PATJ: variants seen among roughly 807,000 people sequenced by gnomAD.
PATJ encodes PATJ crumbs cell polarity complex component, also known as inaD-like protein.
PATJ carries 190 observed loss-of-function variants against 224.9 expected under a neutral mutation model. The ratio of observed to expected loss-of-function variants is 0.84; its 90% CI spans 0.75 to 0.95. The LOEUF is 0.95. PATJ is among the 40% of genes least tolerant of loss of function. The probability of loss-of-function intolerance (pLI) is 0.00; values close to 1 mark genes in which losing one functional copy is unlikely to be tolerated. For synonymous variants in PATJ, 769 were observed against 820.3 expected, an observed-to-expected ratio of 0.94 and a Z score of 1.07; for missense variants, 2,121 against 2,270.3, an observed-to-expected ratio of 0.93 and a Z score of 1.34.
At position 62,069,428 on chromosome 1, in the gene PATJ, A is replaced by G. The variant is rs567612784; in HGVS notation, c.4126-10022A>G. ...ATACACAGGTCTGTTGTGTACACCA[A>G]CAAATGGGTAATATGCCTAGCTCAG... On this transcript the variant is annotated intron_variant, in intron 31 of 43. Coordinates refer to ENST00000642238, the MANE Select transcript of PATJ (RefSeq NM_001350145.3). Among the ~76,000 whole-genome samples, 36 of 152,292 alleles carry G rather than the reference A, an allele frequency of 2.4e-4. No individual in the cohort carries two copies. In the South Asian group the frequency reaches 7.5e-3, roughly 32 times the overall value.
intron 27 of PATJ, among the ~76,000 whole-genome samples, chr1:61,980,034 A>G (rs885581): frequency 0.43 from 65,536 of 151,706 alleles, 14,741 homozygotes; most frequent in African/African-American, 0.53. Context: ...GAGAAGGGGT[A>G]GGAGGAGTGA....
At chr1:62,152,956 T>C (rs1015630107) in intron 42 of PATJ, among the ~76,000 whole-genome samples, 2 of 151,902 alleles carry the variant, frequency 1.3e-5, no homozygotes, top group African/African-American at 4.8e-5. Context: ...CTGGCCAACA[T>C]GGTGAAACCC....
Position 62,018,060 on chromosome 1 carries a change from A to G in PATJ, c.3959+113A>G. The G allele has an allele frequency of 3.4e-6, 2 of 595,314 alleles. No homozygotes were observed. Among genetic ancestry groups the G allele is most frequent in the Non-Finnish European group, 6.3e-6 (2 of 319,704 alleles). The allele number at this position is 595,314 out of a possible 1,614,324, so 36.9% of individuals were successfully genotyped here. ...AGCGAAATCACTGTTCCTTCTAAAA[A>G]CATATATTCCTTTTGTAACTGTCAC... is the stretch of plus-strand genomic sequence containing the variant. On this transcript the variant is annotated intron_variant, in intron 29 of 43. Coordinates refer to ENST00000642238, the MANE Select transcript of PATJ (RefSeq NM_001350145.3). The surrounding 1 kb of genome is among the most constrained non-coding windows in gnomAD (Gnocchi z 4.2).
intron 20 of PATJ, chr1:61,865,251 T>C (rs1665229820): frequency 6.7e-6 from 1 of 150,364 alleles, no homozygotes. Flanking sequence ...GGCCTCTCTC[T>C]GTCGCCCAGG....
chr1:61,914,521 A>G (rs1458168337), intron 25 of PATJ, 66 bp from the exon 26 acceptor site: 18 of 738,768 alleles, frequency 2.4e-5, no homozygotes, highest in Middle Eastern at 2.5e-4. Flanking sequence ...ATGTCAAGAG[A>G]AAAAAAAGGA....
intron 21 of PATJ, 148 bp downstream of exon 21, chr1:61,875,514 A>G: frequency 1.7e-6 from 1 of 582,166 alleles, no homozygotes; most frequent in Non-Finnish European, 2.9e-6. Flanking sequence ...CTGCTTCAGA[A>G]TTACCTGAAA....
chr1:61,940,605 A>C (rs1677669410), intron 27 of PATJ, among the ~76,000 whole-genome samples: 1 of 151,846 alleles, frequency 6.6e-6, no homozygotes, highest in Admixed American at 6.6e-5. Flanking sequence ...AGTCCCAGCT[A>C]CTCGGGAGGC....
intron 13 of PATJ, among the ~76,000 whole-genome samples, chr1:61,806,444 C>T (rs1570609415): frequency 6.6e-6 from 1 of 151,908 alleles, no homozygotes; most frequent in Admixed American, 6.6e-5. Flanking sequence ...ATGGTGAAAC[C>T]TCGTCTCTAC....
chr1:61,901,469 G>T lies in PATJ; in HGVS notation c.3381+10G>T. The T allele has an allele frequency of 6.5e-7, 1 of 1,548,052 alleles. No homozygotes were observed. Among genetic ancestry groups the T allele is most frequent in the Non-Finnish European group, 8.7e-7 (1 of 1,145,452 alleles). On this transcript the variant is annotated intron_variant, in intron 24 of 43. Coordinates refer to ENST00000642238, the MANE Select transcript of PATJ (RefSeq NM_001350145.3). ...AGATAAAATACTTGAGGTAAATGAT[G>T]TTAAAGTACTGTTTTTATTGGAAAC...
At chr1:62,077,537 A>C (rs1658505840) in intron 31 of PATJ, among the ~76,000 whole-genome samples, 1 of 151,908 alleles carries the variant, frequency 6.6e-6, no homozygotes, top group Non-Finnish European at 1.5e-5. Context: ...AAAAATACAA[A>C]AAATTAGCCA....
chr1:61,816,697 C>G (rs554568415), intron 14 of PATJ, among the ~76,000 whole-genome samples: 2 of 151,988 alleles, frequency 1.3e-5, no homozygotes, highest in East Asian at 3.9e-4. Flanking sequence ...ATTTTTTTCT[C>G]CCACCCCAGT....
chr1:61,902,247 T>G (rs1180914484), intron 24 of PATJ, among the ~76,000 whole-genome samples: 1 of 150,648 alleles, frequency 6.6e-6, no homozygotes, highest in Non-Finnish European at 1.5e-5. Flanking sequence ...AAAGGCATAT[T>G]AAACCACTGA....
chr1:61,753,951 T>C (rs774596994), intron 1 of PATJ, among the ~76,000 whole-genome samples: 7 of 152,126 alleles, frequency 4.6e-5, no homozygotes, highest in Non-Finnish European at 8.8e-5. Context: ...TAATTGGCGT[T>C]GGCCTAGGCC....
intron 27 of PATJ, among the ~76,000 whole-genome samples, chr1:61,941,698 T>A (rs1232945331): frequency 6.6e-6 from 1 of 152,172 alleles, no homozygotes; most frequent in African/African-American, 2.4e-5. Flanking sequence ...TTAATAGTCA[T>A]ATTAACTGTC....
chr1:61,799,454 C>G (rs1022458606), intron 11 of PATJ, among the ~76,000 whole-genome samples: 26 of 152,266 alleles, frequency 1.7e-4, no homozygotes, highest in African/African-American at 5.3e-4. Context: ...CTTGGCCTCC[C>G]AAAGTGCTTG....
intron 7 of PATJ, among the ~76,000 whole-genome samples, chr1:61,783,715 T>C (rs1399420412): frequency 6.6e-6 from 1 of 151,110 alleles, no homozygotes. Context: ...TGCAAAGTAA[T>C]GTGAGTTTTT....
At chr1:61,882,298 C>G (rs1668211409) in intron 21 of PATJ, among the ~76,000 whole-genome samples, 1 of 152,038 alleles carries the variant, frequency 6.6e-6, no homozygotes, top group South Asian at 2.1e-4. Flanking sequence ...GTAAAGTAAG[C>G]CAGCCCTGTG....
chr1:61,758,778 T>C (rs1645796210), intron 1 of PATJ, among the ~76,000 whole-genome samples: 1 of 151,958 alleles, frequency 6.6e-6, no homozygotes, highest in Non-Finnish European at 1.5e-5. Flanking sequence ...TTGTTGTTGT[T>C]GTTTTTTAAA....
At position 61,972,255 on chromosome 1, in the gene PATJ, G is replaced by C. The variant is rs2498969; in HGVS notation, c.3671-17913G>C. 5.2e-3 allele frequency among the ~76,000 whole-genome samples: 786 copies of C among 152,060 alleles called. 21 individuals are homozygous for C. The highest frequency in any genetic ancestry group is 0.018 in the African/African-American group (741 of 41,382). ...GTGCATGAAACAAAGTTTTGACTGT[G>C]ACCCGTCACGTGAGGTCAGGTGTGG... On this transcript the variant is annotated intron_variant, in intron 27 of 43. Transcript: ENST00000642238.
Sources: allele counts gnomAD v4.1 joint callset (sites outside exome capture counted in the v4.1 genomes callset), GRCh38; gene constraint gnomAD v4.1.1; non-coding constraint Gnocchi (gnomAD v3.1); transcripts MANE v1.5; gene names NCBI Gene and HGNC (gene_info 2026-07-23, HGNC 2026-07-21).